IPO11: variants seen among roughly 807,000 people sequenced by gnomAD.
IPO11 encodes the protein importin 11, also known as importin-11.
A neutral mutation model predicts 143.2 loss-of-function variants in IPO11; 66 were observed. The ratio of observed to expected loss-of-function variants is 0.46; its 90% confidence interval spans 0.38 to 0.57. The LOEUF is 0.57. Among genes scored for constraint, IPO11 ranks in the 20% least tolerant of loss-of-function variants. The pLI, the probability that IPO11 is intolerant of heterozygous loss-of-function variation, is 0.00. For synonymous variants in IPO11, 385 were observed against 377.8 expected (o/e 1.02, Z -0.22); for missense variants, 1,026 against 1,141.0 (o/e 0.90, Z 1.45).
chr5:62,460,212 C>T (rs1321169620), intron 5 of IPO11, among the ~76,000 whole-genome samples: 2 of 152,140 alleles, frequency 1.3e-5, no homozygotes. Flanking sequence ...TGTTCTCAAA[C>T]ACATTTTTAC....
intron 1 of IPO11, among the ~76,000 whole-genome samples, chr5:62,429,053 G>A (rs946862048): frequency 6.6e-6 from 1 of 152,088 alleles, no homozygotes; most frequent in South Asian, 2.1e-4. Context: ...TGTAATTCAC[G>A]CACTGAAAAG....
chr5:62,556,729 A>G (rs566635707), intron 26 of IPO11, among the ~76,000 whole-genome samples: 1 of 152,294 alleles, frequency 6.6e-6, no homozygotes, highest in Non-Finnish European at 1.5e-5. Flanking sequence ...TTTTTTTTAA[A>G]TGAAGTTTCA....
intron 5 of IPO11, among the ~76,000 whole-genome samples, chr5:62,464,340 G>C (rs1171562932): frequency 6.7e-6 from 1 of 149,792 alleles, no homozygotes; most frequent in Non-Finnish European, 1.5e-5. Flanking sequence ...AGTGTTTCAC[G>C]ATGTTGGCCA....
intron 26 of IPO11, chr5:62,560,676 G>A (rs1473391204): frequency 6.6e-6 from 1 of 152,348 alleles, no homozygotes; most frequent in African/African-American, 2.4e-5. Flanking sequence ...TAATTCATTT[G>A]TTTTCCTTTG....
At chr5:62,437,466 A>G in intron 2 of IPO11, 49 bp downstream of exon 2, 1 of 1,521,660 alleles carries the variant, frequency 6.6e-7, no homozygotes, top group Non-Finnish European at 8.9e-7. Flanking sequence ...AAATGAGACA[A>G]CATTAATTTG....
At chr5:62,598,535 CTTTTCTTTCT>C (rs1561380986) in intron 28 of IPO11, among the ~76,000 whole-genome samples, 1 of 5,842 alleles carries the variant, frequency 1.7e-4, no homozygotes, top group Non-Finnish European at 2.9e-4. Context: ...TCTTTTCTTT[CTTTTCTTTCT>C]TTTCTTTCTT....
In IPO11 at chr5:62,536,739, C is replaced by A. The variant is rs774520072; in HGVS notation, c.2127C>A (p.Ile709=). ...SSENLRTCFK[I]INGYIFLSST... is the part of the protein sequence containing the mutation. ...AAAATCTTAGAACTTGCTTTAAGAT[C>A]ATCAATGGTTATATCTTTTTATCAT... is the stretch of plus-strand genomic sequence containing the variant. Residue 709 remains isoleucine, a synonymous_variant, in exon 23 of 30, where the codon ATC becomes ATA. Transcript: ENST00000325324. The A allele has an allele frequency of 1.3e-6, 2 of 1,576,820 alleles. No individual in the cohort carries two copies. Among genetic ancestry groups the A allele is most frequent in the Non-Finnish European group, 1.7e-6 (2 of 1,166,522 alleles).
At chr5:62,465,546 G>A (rs1745543121) in intron 5 of IPO11, among the ~76,000 whole-genome samples, 1 of 152,102 alleles carries the variant, frequency 6.6e-6, no homozygotes, top group South Asian at 2.1e-4. Context: ...ATGATACAGT[G>A]GTTTGTGTTG....
chr5:62,567,679 CAGCCTCCCG>C (rs1251685523), intron 27 of IPO11, among the ~76,000 whole-genome samples: 1 of 150,528 alleles, frequency 6.6e-6, no homozygotes, highest in Non-Finnish European at 1.5e-5. Flanking sequence ...TCTTCTGCCT[CAGCCTCCCG>C]AGTAGCTGGG....
At chr5:62,519,929 C>A (rs1742149674) in intron 20 of IPO11, among the ~76,000 whole-genome samples, 1 of 152,182 alleles carries the variant, frequency 6.6e-6, no homozygotes, top group Non-Finnish European at 1.5e-5. Flanking sequence ...TCTAGGGTCC[C>A]CTCTTGTTCC....
rs889940391 is a variant in IPO11 at position 62,579,940 on chromosome 5, C to G, written c.2583-11637C>G. On this transcript the variant is annotated intron_variant, in intron 27 of 29. Transcript: ENST00000325324. ...GTACTTAAATCTACAAAGGAATCGC[C>G]TCACTGTCCTTGGGAGTGGTACCTT... The G allele has an allele frequency of 1.9e-6, 3 of 1,551,134 alleles. No homozygotes were observed. The African/African-American group carries it at 4.1e-5, about 21-fold the overall frequency.
intron 21 of IPO11, among the ~76,000 whole-genome samples, chr5:62,528,825 A>C (rs1299620061): frequency 6.6e-6 from 1 of 152,142 alleles, no homozygotes. Context: ...TGGGAATTTG[A>C]ATTTATTAGG....
chr5:62,470,615 C>T (rs1745729726), intron 7 of IPO11, among the ~76,000 whole-genome samples: 1 of 151,846 alleles, frequency 6.6e-6, no homozygotes, highest in African/African-American at 2.4e-5. Context: ...TTACCAGGTA[C>T]ATTGTAAATA....
chr5:62,435,090 A>ATGTGTATATATGTATATATG (rs796144428), intron 1 of IPO11, among the ~76,000 whole-genome samples: 2 of 82,298 alleles, frequency 2.4e-5, no homozygotes, highest in African/African-American at 5.2e-5. Context: ...ATGTGTATAT[A>ATGTGTATATATGTATATATG]TGTATATATG....
intron 1 of IPO11, among the ~76,000 whole-genome samples, chr5:62,424,355 G>A (rs533293682): frequency 6.7e-4 from 102 of 152,132 alleles, no homozygotes; most frequent in African/African-American, 2.4e-3. Context: ...TAGCCAAGAT[G>A]GTCTCGATCT....
chr5:62,480,950 C>T (rs1331698086), intron 9 of IPO11, among the ~76,000 whole-genome samples: 1 of 110,708 alleles, frequency 9.0e-6, no homozygotes, highest in African/African-American at 3.6e-5. Flanking sequence ...GAGTCTTGCT[C>T]TGTCGCCCAG....
chr5:62,454,176 C>T (rs1745041591), intron 5 of IPO11, among the ~76,000 whole-genome samples: 1 of 152,082 alleles, frequency 6.6e-6, no homozygotes, highest in African/African-American at 2.4e-5. Flanking sequence ...TTATGTTCAT[C>T]CTAGGATATT....
intron 29 of IPO11, among the ~76,000 whole-genome samples, chr5:62,617,235 C>T (rs769954323): frequency 2.6e-5 from 4 of 152,202 alleles, no homozygotes; most frequent in Non-Finnish European, 5.9e-5. Flanking sequence ...AAATGATATT[C>T]AGAAAACTCG....
intron 27 of IPO11, chr5:62,575,851 A>C (rs550406239): frequency 6.6e-6 from 1 of 152,286 alleles, no homozygotes; most frequent in South Asian, 2.1e-4. Context: ...ACTGCCCCTC[A>C]TTAAAATTTA....
Sources: gnomAD v4.1 joint callset for allele counts (sites outside exome capture counted in the v4.1 genomes callset) on GRCh38, gnomAD v4.1.1 for gene constraint, MANE v1.5 for transcripts, NCBI Gene and HGNC (gene_info 2026-07-23, HGNC 2026-07-21) for gene names.